The following DPY19L1 variants were observed in gnomAD, a reference collection of about 807,000 sequenced individuals.
The protein encoded by DPY19L1 is protein C-mannosyl-transferase DPY19L1.
DPY19L1 carries 35 observed loss-of-function variants against 96.9 expected under a neutral mutation model. The ratio of observed to expected loss-of-function variants is 0.36; its 90% CI spans 0.28 to 0.48. The LOEUF (loss-of-function observed/expected upper bound fraction) is 0.48, where lower values mean the gene tolerates loss of function less well. Among genes scored for constraint, DPY19L1 ranks in the 20% least tolerant of loss-of-function variants. DPY19L1 has a pLI of 0.99. For synonymous variants in DPY19L1, 205 were observed against 252.6 expected, an observed-to-expected ratio of 0.81 and a Z score of 1.79; for missense variants, 521 against 777.9, an observed-to-expected ratio of 0.67 and a Z score of 3.93.
At chr7:34,970,957 C>T (rs906520191) in intron 8 of DPY19L1, among the ~76,000 whole-genome samples, 2 of 151,750 alleles carry the variant, frequency 1.3e-5, no homozygotes, top group African/African-American at 4.8e-5. Context: ...CTGGACAAAA[C>T]CAATTTGTTA....
intron 18 of DPY19L1, 100 bp from the exon 19 acceptor site, chr7:34,940,427 G>A (rs1783980610): frequency 3.0e-5 from 28 of 925,572 alleles, no homozygotes; most frequent in Non-Finnish European, 4.1e-5. Flanking sequence ...CTCTGCTAGA[G>A]TCCCAAATAA....
chr7:34,948,539 A>G (rs1406584845), intron 14 of DPY19L1, among the ~76,000 whole-genome samples: 6 of 152,182 alleles, frequency 3.9e-5, no homozygotes, highest in African/African-American at 1.4e-4. Context: ...TGCTGGAAAC[A>G]GTTTTGCTAT....
At chr7:34,995,310 T>C (rs1407348965) in intron 6 of DPY19L1, among the ~76,000 whole-genome samples, 2 of 146,464 alleles carry the variant, frequency 1.4e-5, no homozygotes, top group African/African-American at 5.0e-5. Flanking sequence ...TATTTTAGCA[T>C]TCCCTAGTGG....
chr7:34,963,352 T>G (rs983130043), intron 10 of DPY19L1, among the ~76,000 whole-genome samples: 1 of 152,144 alleles, frequency 6.6e-6, no homozygotes, highest in African/African-American at 2.4e-5. Context: ...GGTGATTACA[T>G]GGAGAAAATA....
chr7:35,031,022 G>T (rs1252450928), intron 1 of DPY19L1, among the ~76,000 whole-genome samples: 1 of 152,136 alleles, frequency 6.6e-6, no homozygotes, highest in Admixed American at 6.5e-5. Context: ...TGGTTTGGCT[G>T]AAGTACAAGC....
chr7:34,981,474 C>T, intron 7 of DPY19L1, among the ~76,000 whole-genome samples: 1 of 152,130 alleles, frequency 6.6e-6, no homozygotes, highest in East Asian at 1.9e-4. Context: ...AAAGTATCAT[C>T]CCTCATTTCA....
At position 34,939,264 on chromosome 7, in the gene DPY19L1, CTG is replaced by C; in HGVS notation, c.1964+10_1964+11del. On this transcript the variant is annotated intron_variant, in intron 20 of 21. Transcript: ENST00000638088. ...GGAGGTTTGTTTTGATGATGCAAGA[CTG>C]TGCACTGACCTCAAGCCTGCGTCTT... 6.2e-7 allele frequency: 1 copy of C among 1,611,734 alleles called. No homozygotes were observed. The highest frequency in any genetic ancestry group is 1.3e-5 in the African/African-American group (1 of 74,994).
At chr7:35,033,605 GAATGCAGAAACAGGATTCA>G (rs573862103) in intron 1 of DPY19L1, among the ~76,000 whole-genome samples, 2 of 152,248 alleles carry the variant, frequency 1.3e-5, no homozygotes, top group South Asian at 4.1e-4. Flanking sequence ...AGAACAGCTC[GAATGCAGAAACAGGATTCA>G]AATGCAGGCC....
intron 4 of DPY19L1, 135 bp downstream of exon 4, chr7:35,013,433 C>T: frequency 1.6e-6 from 1 of 635,100 alleles, no homozygotes; most frequent in Non-Finnish European, 2.6e-6. Flanking sequence ...CATATTCCTC[C>T]ACAAGATACA....
chr7:34,978,350 T>C (rs1483778468), intron 7 of DPY19L1, among the ~76,000 whole-genome samples: 2 of 152,192 alleles, frequency 1.3e-5, no homozygotes, highest in African/African-American at 2.4e-5. Context: ...GATTATACTA[T>C]TGCTTTATAT....
At chr7:34,964,396 T>C (rs1562808721) in intron 10 of DPY19L1, among the ~76,000 whole-genome samples, 1 of 152,010 alleles carries the variant, frequency 6.6e-6, no homozygotes, top group Non-Finnish European at 1.5e-5. Flanking sequence ...TACTACAAAA[T>C]AAAAAACTAT....
At chr7:35,020,850 A>C (rs971585637) in intron 1 of DPY19L1, among the ~76,000 whole-genome samples, 4 of 152,092 alleles carry the variant, frequency 2.6e-5, no homozygotes, top group African/African-American at 9.7e-5. Flanking sequence ...CTGGGATTAC[A>C]GGTAAATGCC....
chr7:35,003,707 C>G (rs949360834), intron 6 of DPY19L1, among the ~76,000 whole-genome samples: 6 of 152,212 alleles, frequency 3.9e-5, no homozygotes, highest in Non-Finnish European at 7.3e-5. Context: ...CCTGAGGAAT[C>G]AGGCTCCTGG....
At chr7:35,037,820 C>A (rs1283607802), upstream of DPY19L1, 8 of 1,227,914 alleles carry the variant, frequency 6.5e-6, no homozygotes, top group Non-Finnish European at 8.1e-6. Flanking sequence ...ACCCACACCT[C>A]TTCGGCGCCC....
At chr7:34,987,901 G>A (rs1785084223) in intron 7 of DPY19L1, 1 of 151,912 alleles carries the variant, frequency 6.6e-6, no homozygotes, top group Non-Finnish European at 1.5e-5. Context: ...AATTTTACAT[G>A]TAAGTAAAAT....
intron 6 of DPY19L1, among the ~76,000 whole-genome samples, chr7:35,001,424 A>C (rs1263836912): frequency 2.0e-5 from 3 of 151,936 alleles, no homozygotes; most frequent in African/African-American, 7.3e-5. Flanking sequence ...CTTCTGGGTC[A>C]CTTGCAAACA....
At position 34,970,302 on chromosome 7, in the gene DPY19L1, T is replaced by C. The variant is rs146670877; in HGVS notation, c.915-770A>G. Among the ~76,000 whole-genome samples the C allele has an allele frequency of 3.7e-3, 566 of 152,260 alleles. 3 individuals are homozygous for C. The highest frequency in any genetic ancestry group is 0.011 in the African/African-American group (475 of 41,546). On this transcript the variant is annotated intron_variant, in intron 8 of 21. Coordinates refer to ENST00000638088, the MANE Select transcript of DPY19L1 (RefSeq NM_001366673.1). ...AGAGCACCATTATGACATGCCTTTC[T>C]TCACTTCCCCAAGTATCCCTTCTCC...
chr7:34,964,599 T>C (rs1784571883), intron 10 of DPY19L1, among the ~76,000 whole-genome samples: 1 of 152,186 alleles, frequency 6.6e-6, no homozygotes, highest in Admixed American at 6.5e-5. Flanking sequence ...TAATTCATTA[T>C]AGTAACCGAT....
At chr7:35,017,518 A>AAAAACAAAC (rs58385351) in intron 3 of DPY19L1, among the ~76,000 whole-genome samples, 1 of 91,306 alleles carries the variant, frequency 1.1e-5, no homozygotes, top group Admixed American at 1.2e-4. Flanking sequence ...AAAAAAAAAA[A>AAAAACAAAC]AAAATTAGCC....
Sources: gnomAD v4.1 joint callset for allele counts (sites outside exome capture counted in the v4.1 genomes callset) on GRCh38, gnomAD v4.1.1 for gene constraint, MANE v1.5 for transcripts, NCBI Gene and HGNC (gene_info 2026-07-23, HGNC 2026-07-21) for gene names.